The following ZNF710 variants were observed in gnomAD, a reference collection of about 807,000 sequenced individuals.
The protein encoded by ZNF710 is zinc finger protein 710.
ZNF710 carries 13 observed loss-of-function variants against 50.6 expected under a neutral mutation model. The observed-to-expected ratio is 0.26, with a 90% CI of 0.17 to 0.41. The LOEUF is 0.41. ZNF710 is among the 10% of genes least tolerant of loss of function. The pLI, the probability that ZNF710 is intolerant of heterozygous loss-of-function variation, is 1.00. For missense variants in ZNF710, 721 were observed against 936.6 expected (o/e 0.77, Z 3.01); for synonymous variants, 383 against 397.0 (o/e 0.96, Z 0.42).
At chr15:90,017,354 G>A (rs1898483789) in intron 1 of ZNF710, among the ~76,000 whole-genome samples, 1 of 152,170 alleles carries the variant, frequency 6.6e-6, no homozygotes, top group South Asian at 2.1e-4. Context: ...AAAGCTGAAA[G>A]TGTTGGCCAT....
chr15:90,001,702 G>A (rs1367580532), intron 1 of ZNF710, 88 bp downstream of exon 1: 2 of 144,288 alleles, frequency 1.4e-5, no homozygotes, highest in East Asian at 2.0e-4. Flanking sequence ...GGGGGGCGCG[G>A]GGGTGGGTCG....
chr15:90,067,118 T>A lies in ZNF710; in HGVS notation c.-20T>A. On this transcript the variant is annotated 5_prime_UTR_variant, in exon 2 of 5. Transcript: ENST00000268154. This position sits in a 1 kb window ranked among gnomAD's most constrained non-coding sequence, Gnocchi z 8.1. The stretch of plus-strand genomic sequence containing the variant: ...CCCTTCTCCACCCACAGCGATGCCC[T>A]CCTAGCTAGCCGTCACGGGATGGAG... 6.4e-7 allele frequency: 1 copy of A among 1,574,672 alleles called. No individual in the cohort carries two copies. Among genetic ancestry groups the A allele is most frequent in the South Asian group, 1.2e-5 (1 of 86,192 alleles).
At chr15:90,023,113 T>C (rs1898670770) in intron 1 of ZNF710, among the ~76,000 whole-genome samples, 1 of 152,166 alleles carries the variant, frequency 6.6e-6, no homozygotes, top group South Asian at 2.1e-4. Flanking sequence ...CTGAGGCTTA[T>C]GAAGGTGGCT....
intron 1 of ZNF710, among the ~76,000 whole-genome samples, chr15:90,020,346 T>A (rs2151473929): frequency 6.6e-6 from 1 of 152,044 alleles, no homozygotes; most frequent in Middle Eastern, 3.4e-3. Context: ...GCCCCTTCCC[T>A]CCTCCAGCTC....
At chr15:90,008,695 C>T (rs535280863) in intron 1 of ZNF710, among the ~76,000 whole-genome samples, 2 of 150,068 alleles carry the variant, frequency 1.3e-5, no homozygotes, top group Non-Finnish European at 3.0e-5. Context: ...GTGGGAGGAT[C>T]GCTTGAGCCC....
rs543701980 is a variant in ZNF710 at position 90,068,905 on chromosome 15, C to A, written c.1458+310C>A. Among the ~76,000 whole-genome samples the A allele has an allele frequency of 6.6e-6, 1 of 152,108 alleles. No homozygotes were observed. The highest frequency in any genetic ancestry group is 1.9e-4 in the East Asian group (1 of 5,172). On this transcript the variant is annotated intron_variant, in intron 2 of 4. Coordinates refer to ENST00000268154, the MANE Select transcript of ZNF710 (RefSeq NM_198526.4). The surrounding 1 kb of genome is among the most constrained non-coding windows in gnomAD (Gnocchi z 5.0). The stretch of plus-strand genomic sequence containing the variant: ...TCCTGGGGTTTGAGACCAGCCTGGG[C>A]AAAATAATGAGACCCCATCGCTACA...
In ZNF710 at chr15:90,059,223, T is replaced by G. The variant is rs1475216542; in HGVS notation, c.-28-7887T>G. Among the ~76,000 whole-genome samples the G allele has an allele frequency of 1.3e-5, 2 of 152,180 alleles. No individual in the cohort carries two copies. The highest frequency in any genetic ancestry group is 2.9e-5 in the Non-Finnish European group (2 of 68,030). On this transcript the variant is annotated intron_variant, in intron 1 of 4. Transcript: ENST00000268154. This position sits in a 1 kb window ranked among gnomAD's most constrained non-coding sequence, Gnocchi z 4.1. ...CAGTCCTGGCAGGGGAATCAGCCTG[T>G]GCAGAGGCCCCAAGGTAGGAAACAT...
In ZNF710 at chr15:90,024,483, G is replaced by A. The variant is rs190706644; in HGVS notation, c.-29+22869G>A. ...GGATTCAGATCCATGAGAATGGGTG[G>A]CAGAGAAAGAGAGGAGGAAGACCCC... On this transcript the variant is annotated intron_variant, in intron 1 of 4. Transcript: ENST00000268154. 1.4e-4 allele frequency among the ~76,000 whole-genome samples: 21 copies of A among 152,332 alleles called. 1 individual carries two copies. The Middle Eastern group carries it at 0.044, about 321-fold the overall frequency.
intron 1 of ZNF710, 132 bp from the exon 2 acceptor site, chr15:90,066,978 C>T: frequency 1.0e-6 from 1 of 1,000,522 alleles, no homozygotes; most frequent in Admixed American, 2.9e-5. Flanking sequence ...GCCCTGTTCC[C>T]AAGGCCAGGA....
chr15:90,065,830 G>A (rs966825193), intron 1 of ZNF710, among the ~76,000 whole-genome samples: 1 of 152,152 alleles, frequency 6.6e-6, no homozygotes, highest in South Asian at 2.1e-4. Context: ...TCACTTCAGT[G>A]CTGGAGGTTG....
intron 1 of ZNF710, among the ~76,000 whole-genome samples, chr15:90,027,597 A>T (rs1001243936): frequency 2.6e-5 from 4 of 152,176 alleles, no homozygotes; most frequent in Non-Finnish European, 4.4e-5. Flanking sequence ...CATGCCTGTA[A>T]TACTAGCACT....
chr15:90,055,520 G>A (rs28695687), intron 1 of ZNF710, among the ~76,000 whole-genome samples: 25,828 of 152,230 alleles, frequency 0.17, 3,433 homozygotes, highest in African/African-American at 0.36. Flanking sequence ...GCAATGGGAG[G>A]TGACTGGGAT....
intron 1 of ZNF710, among the ~76,000 whole-genome samples, chr15:90,043,691 C>A (rs560402027): frequency 3.3e-5 from 5 of 152,246 alleles, no homozygotes; most frequent in Admixed American, 3.3e-4. Flanking sequence ...GTCACTGCTT[C>A]AGGCTGCTCC....
chr15:90,035,254 A>G (rs970855536), intron 1 of ZNF710, among the ~76,000 whole-genome samples: 1 of 152,220 alleles, frequency 6.6e-6, no homozygotes, highest in Non-Finnish European at 1.5e-5. Context: ...CTTGGTCTCA[A>G]ACACCCCAGC....
intron 2 of ZNF710, among the ~76,000 whole-genome samples, chr15:90,070,200 C>G (rs1317726838): frequency 1.3e-5 from 2 of 152,116 alleles, no homozygotes; most frequent in Non-Finnish European, 2.9e-5. Context: ...AATGTAATGT[C>G]AAGAAAGAGT....
At chr15:90,027,355 C>T (rs1488927774) in intron 1 of ZNF710, among the ~76,000 whole-genome samples, 2 of 152,146 alleles carry the variant, frequency 1.3e-5, no homozygotes, top group African/African-American at 2.4e-5. Context: ...GGATCACAGG[C>T]GTGTGCCACC....
At chr15:90,078,539 G>A (rs1316606771) in intron 4 of ZNF710, among the ~76,000 whole-genome samples, 1 of 152,202 alleles carries the variant, frequency 6.6e-6, no homozygotes, top group Non-Finnish European at 1.5e-5. Flanking sequence ...CACTAATTGG[G>A]AAGGGATGGG....
At chr15:90,065,925 G>A (rs1278253309) in intron 1 of ZNF710, among the ~76,000 whole-genome samples, 3 of 152,150 alleles carry the variant, frequency 2.0e-5, no homozygotes, top group Admixed American at 6.6e-5. Context: ...AGAAAAAAAC[G>A]TTAGTTGAGA....
upstream of ZNF710, among the ~76,000 whole-genome samples, chr15:89,998,409 T>A (rs1188436209): frequency 6.6e-6 from 1 of 152,188 alleles, no homozygotes; most frequent in Admixed American, 6.5e-5. Flanking sequence ...TGGGCCTTGA[T>A]AACCAGTCAT....
Sources: allele counts gnomAD v4.1 joint callset (sites outside exome capture counted in the v4.1 genomes callset), GRCh38; gene constraint gnomAD v4.1.1; non-coding constraint Gnocchi (gnomAD v3.1); transcripts MANE v1.5; gene names NCBI Gene and HGNC (gene_info 2026-07-23, HGNC 2026-07-21).